SEC14L1: variants seen among roughly 807,000 people sequenced by gnomAD.
The protein encoded by SEC14L1 is SEC14-like protein 1.
A neutral mutation model predicts 85.3 loss-of-function variants in SEC14L1; 48 were observed. The observed-to-expected ratio is 0.56, with a 90% CI of 0.45 to 0.72. SEC14L1 has a LOEUF of 0.72. Among genes scored for constraint, SEC14L1 ranks in the 30% least tolerant of loss-of-function variants. SEC14L1 has a pLI of 0.00. For synonymous variants in SEC14L1, 391 were observed against 355.5 expected (o/e 1.10, Z -1.12); for missense variants, 682 against 921.4 (o/e 0.74, Z 3.36).
intron 3 of SEC14L1, among the ~76,000 whole-genome samples, chr17:77,117,949 A>G (rs528371363): frequency 1.3e-5 from 2 of 152,348 alleles, no homozygotes; most frequent in African/African-American, 4.8e-5. Flanking sequence ...CTGGCACTGA[A>G]GTTCTCTCGA....
chr17:77,193,723 G>C (rs917968924), intron 6 of SEC14L1, among the ~76,000 whole-genome samples, 174 bp downstream of exon 6: 1 of 152,194 alleles, frequency 6.6e-6, no homozygotes, highest in Non-Finnish European at 1.5e-5. Flanking sequence ...GGTTGTGCTG[G>C]TTGCTGATGG....
chr17:77,124,973 A>G (rs1015159948), intron 3 of SEC14L1, among the ~76,000 whole-genome samples: 1 of 71,242 alleles, frequency 1.4e-5, no homozygotes, highest in African/African-American at 5.5e-5. Flanking sequence ...AAGTGGATTT[A>G]CTATTATTAT....
At chr17:77,168,997 T>A (rs1974408769) in intron 3 of SEC14L1, among the ~76,000 whole-genome samples, 1 of 139,466 alleles carries the variant, frequency 7.2e-6, no homozygotes, top group Non-Finnish European at 1.5e-5. Context: ...AAAAGACCCG[T>A]GAGGAGCATC....
chr17:77,143,512 C>T (rs1367546607), intron 2 of SEC14L1, 55 bp from the exon 3 acceptor site: 16 of 1,046,286 alleles, frequency 1.5e-5, no homozygotes, highest in African/African-American at 6.3e-5. Context: ...TGCAGACTTA[C>T]TAATAATTTG....
intron 8 of SEC14L1, among the ~76,000 whole-genome samples, chr17:77,198,368 C>T (rs534878442): frequency 3.3e-5 from 5 of 152,158 alleles, no homozygotes; most frequent in East Asian, 3.9e-4. Context: ...ATGGCATTTA[C>T]GATCTTTGTG....
At chr17:77,191,625 C>T (rs932914966) in intron 5 of SEC14L1, among the ~76,000 whole-genome samples, 1 of 152,222 alleles carries the variant, frequency 6.6e-6, no homozygotes. Context: ...TCACTGCAAC[C>T]TCTGCTTCCC....
chr17:77,164,234 A>T (rs1974192579), intron 3 of SEC14L1, among the ~76,000 whole-genome samples: 1 of 152,188 alleles, frequency 6.6e-6, no homozygotes, highest in African/African-American at 2.4e-5. Context: ...GCCCACCTGG[A>T]GGCCATCAGC....
chr17:77,104,676 A>G (rs879556902), intron 3 of SEC14L1, among the ~76,000 whole-genome samples: 1 of 150,526 alleles, frequency 6.6e-6, no homozygotes, highest in Non-Finnish European at 1.5e-5. Context: ...CTGGAATCCC[A>G]GCTACTCAGG....
At chr17:77,190,631 T>A (rs1374095779) in intron 3 of SEC14L1, among the ~76,000 whole-genome samples, 172 bp from the exon 4 acceptor site, 1 of 152,284 alleles carries the variant, frequency 6.6e-6, no homozygotes, top group Non-Finnish European at 1.5e-5. Flanking sequence ...TTCCGATCCA[T>A]GGACATGGAG....
intron 3 of SEC14L1, among the ~76,000 whole-genome samples, chr17:77,164,249 G>A (rs1038745339): frequency 6.6e-6 from 1 of 152,208 alleles, no homozygotes; most frequent in Non-Finnish European, 1.5e-5. Flanking sequence ...ATCAGCCCAC[G>A]GCGCTCAGGC....
intron 13 of SEC14L1, among the ~76,000 whole-genome samples, chr17:77,208,416 C>G (rs567566533): frequency 6.6e-6 from 1 of 152,260 alleles, no homozygotes; most frequent in South Asian, 2.1e-4. Context: ...AGCTGGAGCC[C>G]AAGGAGACCT....
At position 77,110,895 on chromosome 17, in the gene SEC14L1, A is replaced by G. The variant is rs541278319; in HGVS notation, c.-136+17548A>G. Among the ~76,000 whole-genome samples the G allele has an allele frequency of 4.6e-4, 69 of 149,264 alleles. No homozygotes were observed. The South Asian group carries it at 9.6e-3, about 21-fold the overall frequency. On this transcript the variant is annotated intron_variant, in intron 3 of 19. Transcript: ENST00000392476. ...TCTGTCTCAAAAAAAAAAAAAAAAA[A>G]AAAAGAAATACATTGGGGCTGGGCA...
chr17:77,197,799 T>C (rs1194062204), intron 8 of SEC14L1, among the ~76,000 whole-genome samples: 1 of 152,158 alleles, frequency 6.6e-6, no homozygotes, highest in African/African-American at 2.4e-5. Flanking sequence ...GAGAACAGGG[T>C]TCCACCATGT....
rs543102022 is a variant in SEC14L1, at chr17:77,155,362, T to G, written c.63+11703T>G. Among the ~76,000 whole-genome samples the G allele has an allele frequency of 4.7e-3, 708 of 152,052 alleles. 2 individuals carry two copies. Among genetic ancestry groups the G allele is most frequent in the Non-Finnish European group, 7.2e-3 (489 of 67,970 alleles). The stretch of plus-strand genomic sequence containing the variant: ...CCCACCCCAGTAAAAACCAAACCAA[T>G]AAAACACCACTCAGAAGCTCTCCCT... On this transcript the variant is annotated intron_variant, in intron 3 of 16. Transcript: ENST00000436233.
chr17:77,206,830 A>G lies in SEC14L1; in HGVS notation c.1444A>G (p.Ile482Val). ...GGLLDYIDKE[I>V]IPDFLSGECM... ...CCTGCTGGATTACATCGACAAAGAG[A>G]TTATTCCAGATTTCCTGAGTGGGGA... Residue 482 changes from isoleucine (I) to valine (V), a missense_variant, in exon 13 of 17, where the codon ATT becomes GTT. Around this residue, in one of 3 missense-constraint regions of SEC14L1, gnomAD observed 420 missense variants for 619.5 expected, o/e 0.68. Transcript: ENST00000436233. This position sits in a 1 kb window ranked among gnomAD's most constrained non-coding sequence, Gnocchi z 4.3. 6.2e-7 allele frequency: 1 copy of G among 1,609,498 alleles called. No homozygotes were observed. The highest frequency in any genetic ancestry group is 2.2e-5 in the East Asian group (1 of 44,846).
chr17:77,101,820 A>G (rs1185042370), intron 3 of SEC14L1, among the ~76,000 whole-genome samples: 1 of 152,200 alleles, frequency 6.6e-6, no homozygotes, highest in Non-Finnish European at 1.5e-5. Context: ...GGTGGTGCTC[A>G]TTTACACGTT....
chr17:77,119,863 C>T (rs886133539), intron 3 of SEC14L1, among the ~76,000 whole-genome samples: 21 of 152,172 alleles, frequency 1.4e-4, no homozygotes, highest in African/African-American at 4.8e-4. Flanking sequence ...CAAATACATT[C>T]TGAACCAATG....
At chr17:77,116,468 C>G (rs1431853340) in intron 3 of SEC14L1, among the ~76,000 whole-genome samples, 1 of 151,902 alleles carries the variant, frequency 6.6e-6, no homozygotes, top group African/African-American at 2.4e-5. Context: ...TTGTGGAGGG[C>G]AGAGGTTGGG....
At position 77,154,817 on chromosome 17, in the gene SEC14L1, G is replaced by A. The variant is rs545705349; in HGVS notation, c.63+11158G>A. Among the ~76,000 whole-genome samples the A allele has an allele frequency of 9.2e-5, 14 of 152,226 alleles. No homozygotes were observed. The South Asian group carries it at 1.4e-3, about 16-fold the overall frequency. On this transcript the variant is annotated intron_variant, in intron 3 of 16. Coordinates refer to ENST00000436233, the MANE Select transcript of SEC14L1 (RefSeq NM_001143998.2). Reference sequence around the variant, plus strand: ...TAGAATATCCGAGGTACTGATAAGCGTCCAGTTTGTAAATGTCTTGTGTAT... The same window carrying A: ...TAGAATATCCGAGGTACTGATAAGCATCCAGTTTGTAAATGTCTTGTGTAT...
Sources: gnomAD v4.1 joint callset for allele counts (sites outside exome capture counted in the v4.1 genomes callset) on GRCh38, gnomAD v4.1.1 for gene constraint, gnomAD v4.1.1 regional missense constraint, Gnocchi (gnomAD v3.1) non-coding constraint, MANE v1.5 for transcripts, NCBI Gene and HGNC (gene_info 2026-07-23, HGNC 2026-07-21) for gene names.